Variants in RAB38 observed in about 807,000 individuals in gnomAD.
RAB38 encodes the protein RAB38, member RAS oncogene family.
RAB38 carries 15 observed loss-of-function variants against 18.4 expected under a neutral mutation model. That is an observed-to-expected ratio of 0.82 (90% CI 0.55 to 1.26). The LOEUF is 1.26. Ranked by LOEUF, RAB38 falls within the 50% of genes most tolerant of loss-of-function variation. The probability of loss-of-function intolerance (pLI) is 0.00; values close to 1 mark genes in which losing one functional copy is unlikely to be tolerated. For missense variants in RAB38, 294 were observed against 267.4 expected (o/e 1.10, Z -0.69); for synonymous variants, 101 against 104.4 (o/e 0.97, Z 0.20).
the RAB38 span, among the ~76,000 whole-genome samples, chr11:88,046,998 C>A: frequency 6.6e-6 from 1 of 152,146 alleles, no homozygotes; most frequent in South Asian, 2.1e-4. Context: ...TTATCCTAGG[C>A]AAAACTTGAC....
At chr11:87,822,406 C>T in the RAB38 span, among the ~76,000 whole-genome samples, 3 of 152,136 alleles carry the variant, frequency 2.0e-5, no homozygotes, top group African/African-American at 7.2e-5. Flanking sequence ...TTTCTGTGGG[C>T]CAAGAATCTG....
At chr11:88,015,067 C>A in the RAB38 span, among the ~76,000 whole-genome samples, 241 of 148,586 alleles carry the variant, frequency 1.6e-3, 2 homozygotes, top group Middle Eastern at 6.9e-3. Context: ...TTTTTTTTTA[C>A]AAATTTTTTC....
intron 1 of RAB38, among the ~76,000 whole-genome samples, chr11:88,159,228 A>AATAAATAAATAG: frequency 7.3e-6 from 1 of 136,664 alleles, no homozygotes; most frequent in Non-Finnish European, 1.6e-5. Flanking sequence ...TAAATAAATA[A>AATAAATAAATAG]ATAAATAAAA....
At chr11:87,837,872 A>G in the RAB38 span, among the ~76,000 whole-genome samples, 1 of 152,176 alleles carries the variant, frequency 6.6e-6, no homozygotes, top group African/African-American at 2.4e-5. Flanking sequence ...AAACATATAT[A>G]TAATAATATT....
the RAB38 span, among the ~76,000 whole-genome samples, chr11:87,944,093 A>AGTTAT: frequency 6.6e-6 from 1 of 152,170 alleles, no homozygotes; most frequent in Non-Finnish European, 1.5e-5. Flanking sequence ...TGCATATGCA[A>AGTTAT]GTTATGTTTA....
chr11:88,105,194 TAAC>T, the RAB38 span, among the ~76,000 whole-genome samples: 5 of 140,408 alleles, frequency 3.6e-5, no homozygotes, highest in Admixed American at 3.8e-4. Flanking sequence ...TATAGTAATT[TAAC>T]AACATTATTT....
intron 1 of RAB38, among the ~76,000 whole-genome samples, chr11:88,169,291 A>G (rs1943281126): frequency 6.6e-6 from 1 of 152,214 alleles, no homozygotes; most frequent in Admixed American, 6.5e-5. Context: ...AAATAGCATC[A>G]TTTACTACTT....
At chr11:87,977,452 AC>A in the RAB38 span, among the ~76,000 whole-genome samples, 5 of 88,608 alleles carry the variant, frequency 5.6e-5, no homozygotes, top group South Asian at 7.0e-4. Flanking sequence ...TAATTATATT[AC>A]ATAATATAAT....
the RAB38 span, among the ~76,000 whole-genome samples, chr11:87,809,170 A>G: frequency 1.3e-5 from 2 of 152,200 alleles, no homozygotes; most frequent in Admixed American, 1.3e-4. Context: ...AAAGAAAAAC[A>G]TTGCCAGCTT....
At chr11:88,156,893 A>G (rs1943133977) in intron 1 of RAB38, among the ~76,000 whole-genome samples, 1 of 152,224 alleles carries the variant, frequency 6.6e-6, no homozygotes, top group Non-Finnish European at 1.5e-5. Flanking sequence ...ACACTTAAGT[A>G]CGTAGCCCAC....
chr11:87,963,303 C>A, the RAB38 span, among the ~76,000 whole-genome samples: 10 of 152,198 alleles, frequency 6.6e-5, no homozygotes, highest in East Asian at 1.9e-3. Flanking sequence ...GTGGCCTGAG[C>A]AAAATTCCTA....
At chr11:88,090,512 A>C in the RAB38 span, among the ~76,000 whole-genome samples, 2 of 152,002 alleles carry the variant, frequency 1.3e-5, no homozygotes, top group Non-Finnish European at 2.9e-5. Flanking sequence ...GTGGATTATA[A>C]GTGTTTGCCA....
At chr11:87,863,419 A>G in the RAB38 span, among the ~76,000 whole-genome samples, 2 of 151,776 alleles carry the variant, frequency 1.3e-5, no homozygotes, top group African/African-American at 4.8e-5. Flanking sequence ...AGACAACCAC[A>G]GAGTATTGTG....
At chr11:87,900,276 GA>G in the RAB38 span, among the ~76,000 whole-genome samples, 879 of 151,610 alleles carry the variant, frequency 5.8e-3, 7 homozygotes, top group African/African-American at 0.02. Flanking sequence ...AGATCTGAGA[GA>G]AAAACTAAAT....
intron 2 of RAB38, among the ~76,000 whole-genome samples, chr11:88,128,338 G>A (rs1474045587): frequency 6.6e-6 from 1 of 152,208 alleles, no homozygotes; most frequent in Non-Finnish European, 1.5e-5. Flanking sequence ...GGAGAGCTGA[G>A]AATAATGCTC....
chr11:88,141,368 A>G (rs1942910508), intron 2 of RAB38, among the ~76,000 whole-genome samples: 1 of 152,110 alleles, frequency 6.6e-6, no homozygotes, highest in Non-Finnish European at 1.5e-5. Context: ...GATTCTAAAT[A>G]TCCTGCCTTG....
the RAB38 span, among the ~76,000 whole-genome samples, chr11:88,018,376 C>T: frequency 6.6e-6 from 1 of 152,120 alleles, no homozygotes; most frequent in East Asian, 1.9e-4. Flanking sequence ...CTGAATTCCC[C>T]CCACTACCAT....
the RAB38 span, among the ~76,000 whole-genome samples, chr11:87,888,016 G>A: frequency 6.6e-6 from 1 of 151,808 alleles, no homozygotes; most frequent in Non-Finnish European, 1.5e-5. Flanking sequence ...TTTTCCTGAA[G>A]ATTTTTTTTT....
chr11:87,845,911 AATTCTATAT>A, the RAB38 span, among the ~76,000 whole-genome samples: 1 of 152,150 alleles, frequency 6.6e-6, no homozygotes, highest in Non-Finnish European at 1.5e-5. Context: ...TGCAAACCGT[AATTCTATAT>A]CCAATGCAAA....
Sources: gnomAD v4.1 joint callset for allele counts (sites outside exome capture counted in the v4.1 genomes callset) on GRCh38, gnomAD v4.1.1 for gene constraint, MANE v1.5 for transcripts, NCBI Gene and HGNC (gene_info 2026-07-23, HGNC 2026-07-21) for gene names.